The following CLDN14 variants were observed in gnomAD, a reference collection of about 807,000 sequenced individuals.
The protein encoded by CLDN14 is claudin-14.
A neutral mutation model predicts 2.1 loss-of-function variants in CLDN14; 2 were observed. That is an observed-to-expected ratio of 0.96 (90% CI 0.39 to 3.01). The LOEUF is 3.01. Ranked by LOEUF, CLDN14 falls within the 30% of genes most tolerant of loss-of-function variation. The pLI is 0.09. For missense variants in CLDN14, 298 were observed against 328.0 expected, an observed-to-expected ratio of 0.91 and a Z score of 0.71; for synonymous variants, 136 against 154.4, an observed-to-expected ratio of 0.88 and a Z score of 0.88.
chr21:36,511,381 T>C (rs2087185451), intron 1 of CLDN14, among the ~76,000 whole-genome samples: 1 of 152,216 alleles, frequency 6.6e-6, no homozygotes, highest in South Asian at 2.1e-4. Flanking sequence ...TATTGCCTTG[T>C]GTCATTGTCC....
intron 1 of CLDN14, among the ~76,000 whole-genome samples, chr21:36,560,223 GT>G (rs34426860): frequency 0.71 from 102,373 of 143,620 alleles, 38,274 homozygotes; most frequent in Non-Finnish European, 0.86. Context: ...TTGTTGAGAG[GT>G]TTTTTTTTTT....
At chr21:36,493,929 G>T (rs1218746268) in intron 2 of CLDN14, among the ~76,000 whole-genome samples, 1 of 152,180 alleles carries the variant, frequency 6.6e-6, no homozygotes, top group Non-Finnish European at 1.5e-5. Flanking sequence ...CCAAGTCCTG[G>T]CTGGGAGCCA....
At chr21:36,483,956 C>G (rs2086870956), upstream of CLDN14, among the ~76,000 whole-genome samples, 1 of 152,176 alleles carries the variant, frequency 6.6e-6, no homozygotes, top group African/African-American at 2.4e-5. Context: ...GCCTCTCTTG[C>G]CCTGTAAGGA....
intron 1 of CLDN14, among the ~76,000 whole-genome samples, chr21:36,552,242 C>G (rs1378875580): frequency 6.6e-6 from 1 of 152,162 alleles, no homozygotes; most frequent in African/African-American, 2.4e-5. Flanking sequence ...TTCTCAGCGG[C>G]AAAATATCCA....
intron 1 of CLDN14, among the ~76,000 whole-genome samples, chr21:36,524,213 C>T (rs75191820): frequency 0.02 from 2,971 of 152,126 alleles, 90 homozygotes; most frequent in African/African-American, 0.067. Flanking sequence ...CTTGACCTCC[C>T]GGGCTCCAGC....
At position 36,473,922 on chromosome 21, in the gene CLDN14, TAAATC is replaced by T. The variant is rs369789161; in HGVS notation, c.-82+5568_-82+5572del. On this transcript the variant is annotated intron_variant, in intron 1 of 1. Coordinates refer to ENST00000399135, the MANE Select transcript of CLDN14 (RefSeq NM_001146079.2). The stretch of plus-strand genomic sequence containing the variant: ...TACTCTGTCAAGTCAAGTAATCTGA[TAAATC>T]AAGTCATCTGAGCACTGAGAAGTGG... Among the ~76,000 whole-genome samples, 378 of 152,328 alleles carry T rather than the reference TAAATC, an allele frequency of 2.5e-3. 1 individual carries two copies. Among genetic ancestry groups the T allele is most frequent in the Middle Eastern group, 0.01 (3 of 294 alleles).
intron 1 of CLDN14, among the ~76,000 whole-genome samples, chr21:36,546,127 A>T (rs2087524583): frequency 6.6e-6 from 1 of 152,250 alleles, no homozygotes. Context: ...ATTAATCCAG[A>T]TCTTCAGAGA....
At chr21:36,487,044 G>A (rs920521009) in intron 2 of CLDN14, 5 of 259,210 alleles carry the variant, frequency 1.9e-5, no homozygotes, top group African/African-American at 1.2e-4. Context: ...GTGTGCAATG[G>A]CGCAATCTCA....
chr21:36,509,709 C>T (rs2087167907), intron 2 of CLDN14, among the ~76,000 whole-genome samples: 2 of 152,168 alleles, frequency 1.3e-5, no homozygotes, highest in South Asian at 2.1e-4. Flanking sequence ...GATTCTAATG[C>T]GTCAGCCTCC....
chr21:36,489,131 AATATAT>A (rs1555847001), intron 2 of CLDN14, among the ~76,000 whole-genome samples: 12 of 62,742 alleles, frequency 1.9e-4, no homozygotes, highest in Admixed American at 5.5e-4. Flanking sequence ...AAAAAAAAAA[AATATAT>A]ATATATATAT....
chr21:36,555,026 C>T (rs368009108), intron 1 of CLDN14, among the ~76,000 whole-genome samples: 2 of 152,250 alleles, frequency 1.3e-5, no homozygotes, highest in Admixed American at 6.5e-5. Context: ...CCCAGCCTCC[C>T]TGGCATTCCT....
At chr21:36,510,148 G>A (rs1023897967) in intron 2 of CLDN14, among the ~76,000 whole-genome samples, 3 of 152,190 alleles carry the variant, frequency 2.0e-5, no homozygotes, top group Non-Finnish European at 4.4e-5. Context: ...CCAGTCAAGC[G>A]CTGAGCTGAT....
At chr21:36,543,513 A>C (rs929445906) in intron 1 of CLDN14, among the ~76,000 whole-genome samples, 1 of 152,230 alleles carries the variant, frequency 6.6e-6, no homozygotes, top group African/African-American at 2.4e-5. Flanking sequence ...CCTATAACTT[A>C]ATAAGTATGT....
At chr21:36,516,555 A>G (rs923557990) in intron 1 of CLDN14, among the ~76,000 whole-genome samples, 24 of 152,264 alleles carry the variant, frequency 1.6e-4, no homozygotes, top group African/African-American at 5.5e-4. Context: ...CAAGTATTAT[A>G]AATCTGAACT....
At chr21:36,540,674 G>C (rs573346795) in intron 1 of CLDN14, among the ~76,000 whole-genome samples, 2 of 152,292 alleles carry the variant, frequency 1.3e-5, no homozygotes, top group African/African-American at 4.8e-5. Context: ...GGGGGGCAGG[G>C]CTCCAGGTGG....
rs573001216 is a variant in CLDN14 at position 36,526,542 on chromosome 21, G to A, written c.-219-16042C>T. ...AAAGTGGGGTCCTGGAAAAGACCAT[G>A]AATCTTATTGACTCAAGAGATCGGA... On this transcript the variant is annotated intron_variant, in intron 1 of 2. Coordinates refer to the CLDN14 transcript ENST00000342108. The A allele has an allele frequency of 7.2e-5, 11 of 152,328 alleles. No individual in the cohort carries two copies. In the South Asian group the frequency reaches 2.3e-3, roughly 32 times the overall value. The allele number at this position is 152,328 out of a possible 1,614,324, so 9.4% of individuals were successfully genotyped here.
intron 1 of CLDN14, among the ~76,000 whole-genome samples, chr21:36,542,229 C>T (rs2087495118): frequency 6.6e-6 from 1 of 152,170 alleles, no homozygotes; most frequent in Non-Finnish European, 1.5e-5. Flanking sequence ...TCCTAAAGTG[C>T]TGGGATTACA....
intron 2 of CLDN14, chr21:36,486,635 A>C: frequency 1.3e-6 from 2 of 1,525,732 alleles, no homozygotes; most frequent in South Asian, 1.1e-5. Flanking sequence ...CGTGTTTACA[A>C]AGGCTGTCAG....
chr21:36,478,927 C>A (rs1457253941), intron 1 of CLDN14, among the ~76,000 whole-genome samples: 1 of 152,280 alleles, frequency 6.6e-6, no homozygotes, highest in East Asian at 1.9e-4. Context: ...GGCATTTCTC[C>A]TCTTCAGCAC....
Sources: allele counts gnomAD v4.1 joint callset (sites outside exome capture counted in the v4.1 genomes callset), GRCh38; gene constraint gnomAD v4.1.1; transcripts MANE v1.5; gene names NCBI Gene and HGNC (gene_info 2026-07-23, HGNC 2026-07-21).